The following CP variants were observed in gnomAD, a reference collection of about 807,000 sequenced individuals.
CP encodes caeruloplasmin.
A neutral mutation model predicts 122.4 loss-of-function variants in CP; 64 were observed. The observed-to-expected ratio is 0.52, with a 90% CI of 0.43 to 0.64. The LOEUF is 0.64. CP is among the 30% of genes least tolerant of loss of function. CP has a pLI of 0.00. For synonymous variants in CP, 440 were observed against 436.4 expected, an observed-to-expected ratio of 1.01 and a Z score of -0.10; for missense variants, 1,167 against 1,284.4, an observed-to-expected ratio of 0.91 and a Z score of 1.40.
chr3:149,204,282 G>A (rs1297618404), intron 6 of CP, among the ~76,000 whole-genome samples: 1 of 152,182 alleles, frequency 6.6e-6, no homozygotes, highest in Non-Finnish European at 1.5e-5. Context: ...GAATGTGTTG[G>A]AAAATACAAG....
intron 1 of CP, among the ~76,000 whole-genome samples, chr3:149,218,807 A>C (rs1728625916): frequency 6.6e-6 from 1 of 152,140 alleles, no homozygotes; most frequent in African/African-American, 2.4e-5. Context: ...ATATACTAGT[A>C]CTCTCAATGC....
intron 5 of CP, chr3:149,163,691 A>G (rs1426498744): frequency 2.2e-5 from 13 of 578,370 alleles, no homozygotes; most frequent in Admixed American, 9.2e-5. Context: ...CAGGGGAAAA[A>G]TTCTTAAAAA....
intron 14 of CP, among the ~76,000 whole-genome samples, chr3:149,180,717 A>G (rs1332391806): frequency 6.6e-6 from 1 of 152,210 alleles, no homozygotes; most frequent in Non-Finnish European, 1.5e-5. Flanking sequence ...TCACTAGAAT[A>G]TAAAGTATTG....
At chr3:149,192,562 CAAAA>C (rs1156940690) in intron 9 of CP, among the ~76,000 whole-genome samples, 2 of 146,836 alleles carry the variant, frequency 1.4e-5, no homozygotes, top group African/African-American at 5.0e-5. Context: ...GGCAAACAAA[CAAAA>C]AAGTAAAAAC....
chr3:149,199,216 C>T (rs898733759), intron 8 of CP, among the ~76,000 whole-genome samples: 5 of 151,672 alleles, frequency 3.3e-5, no homozygotes, highest in South Asian at 4.2e-4. Context: ...GAACAAACTC[C>T]GATTATGAAA....
In CP at chr3:149,182,139, A is replaced by G; in HGVS notation, c.2426-6T>C. 6.2e-7 allele frequency: 1 copy of G among 1,614,138 alleles called. No individual in the cohort carries two copies. The highest frequency in any genetic ancestry group is 1.3e-5 in the African/African-American group (1 of 75,058). ...ATCTGCATGAAGTTGTGGACCTGGC[A>G]AAAGTGAAGAGGAAGAGTGTCCAAT... On this transcript the variant is annotated splice_region_variant and splice_polypyrimidine_tract_variant and intron_variant, in intron 13 of 18. Transcript: ENST00000264613.
intron 6 of CP, among the ~76,000 whole-genome samples, chr3:149,202,605 C>CTTTTTTT (rs34873592): frequency 2.8e-5 from 3 of 106,812 alleles, no homozygotes; most frequent in Non-Finnish European, 5.7e-5. Context: ...TGTTGTTTGT[C>CTTTTTTT]TTTTTTTTTT....
intron 10 of CP, among the ~76,000 whole-genome samples, chr3:149,187,413 C>T (rs1397258329): frequency 6.6e-6 from 1 of 152,092 alleles, no homozygotes; most frequent in East Asian, 1.9e-4. Context: ...GAATAATGAA[C>T]TCACTGTCTC....
Position 149,163,951 on chromosome 3 carries a change from T to C in CP, c.*14-1076A>G, listed in dbSNP as rs1411572278. On this transcript the variant is annotated intron_variant, in intron 5 of 5. Transcript: ENST00000479771. Reference sequence around the variant, plus strand: ...ACAGAAGATCTTTCAAAATTACAGGTAAGTAAAAATACCTCCTTTTCTTAT... The same window carrying C: ...ACAGAAGATCTTTCAAAATTACAGGCAAGTAAAAATACCTCCTTTTCTTAT... 3.8e-6 allele frequency: 5 copies of C among 1,314,972 alleles called. No individual in the cohort carries two copies. In the South Asian group the frequency reaches 5.9e-5, roughly 16 times the overall value. 81.5% of individuals were successfully genotyped at this position (1,314,972 alleles called of 1,614,324 possible).
intron 1 of CP, among the ~76,000 whole-genome samples, chr3:149,213,212 T>A (rs35386382): frequency 0.092 from 14,025 of 152,168 alleles, 1,009 homozygotes; most frequent in East Asian, 0.37. Flanking sequence ...AATTCTTTTA[T>A]ATTTCTTTTA....
intron 9 of CP, among the ~76,000 whole-genome samples, chr3:149,191,398 G>A (rs1282277891): frequency 2.0e-5 from 3 of 151,812 alleles, no homozygotes; most frequent in Non-Finnish European, 4.4e-5. Context: ...AAACTTATTT[G>A]TCTTATTTAC....
chr3:149,177,963 C>T lies in CP; in HGVS notation c.2895G>A (p.Met965Ile). The change falls in exon 17 of 19, where the codon ATG becomes ATA. Residue 965 changes from methionine (M) to isoleucine (I), a missense_variant. Physicochemically the swap from Met to Ile is conservative, Grantham distance 10. Transcript: ENST00000264613. ...SNKMHAINGRMFGNLQGLTMH... is the reference protein window; with the variant it reads ...SNKMHAINGRIFGNLQGLTMH... ...TTGTGAGGCCTTGTAGGTTTCCAAA[C>T]ATTCTTCCATTAATAGCTAGGGAAA... 1 of 1,613,568 alleles carries T rather than the reference C, an allele frequency of 6.2e-7. No individual in the cohort carries two copies. The highest frequency in any genetic ancestry group is 8.5e-7 in the Non-Finnish European group (1 of 1,179,510).
intron 6 of CP, among the ~76,000 whole-genome samples, chr3:149,202,605 CTTTTTTT>C (rs34873592): frequency 7.5e-5 from 8 of 106,790 alleles, no homozygotes; most frequent in African/African-American, 2.3e-4. Flanking sequence ...TGTTGTTTGT[CTTTTTTT>C]TTTTTTTTTT....
Position 149,199,878 on chromosome 3 carries a change from G to C in CP, c.1349-14C>G. 1.2e-6 allele frequency: 2 copies of C among 1,613,310 alleles called. No individual in the cohort carries two copies. Among genetic ancestry groups the C allele is most frequent in the African/African-American group, 1.3e-5 (1 of 75,038 alleles). ...AAATGACAGGACCTGGGAACAAAGA[G>C]AGAATTATTATCCTTCCTTGGTATG... On this transcript the variant is annotated splice_polypyrimidine_tract_variant and intron_variant, in intron 7 of 18. Coordinates refer to ENST00000264613, the MANE Select transcript of CP (RefSeq NM_000096.4).
At chr3:149,176,569 GT>G in intron 17 of CP, 157 bp from the exon 18 acceptor site, 2 of 638,368 alleles carry the variant, frequency 3.1e-6, no homozygotes, top group East Asian at 5.6e-5. Context: ...GTAAAATGTG[GT>G]TTTTGTATTC....
chr3:149,209,141 G>T, intron 4 of CP, 70 bp downstream of exon 4: 2 of 1,579,840 alleles, frequency 1.3e-6, no homozygotes, highest in Non-Finnish European at 8.7e-7. Flanking sequence ...TTATGTGAGG[G>T]AATAAGCTTA....
chr3:149,177,006 TG>T (rs758406128), intron 17 of CP, among the ~76,000 whole-genome samples: 160 of 152,336 alleles, frequency 1.1e-3, no homozygotes, highest in Non-Finnish European at 2.0e-3. Context: ...GTATGCTTTT[TG>T]ATAACTTCTG....
At chr3:149,195,639 C>T (rs118123032) in intron 9 of CP, among the ~76,000 whole-genome samples, 3,657 of 152,160 alleles carry the variant, frequency 0.024, 49 homozygotes, top group Middle Eastern at 0.048. Flanking sequence ...CAGAGGCAGG[C>T]GGATCACGAG....
chr3:149,167,044 G>C (rs1724495529), intron 4 of CP: 3 of 1,612,116 alleles, frequency 1.9e-6, no homozygotes, highest in Non-Finnish European at 2.5e-6. Context: ...TCTCTTATAT[G>C]TGGTCCTTCA....
Sources: gnomAD v4.1 joint callset for allele counts (sites outside exome capture counted in the v4.1 genomes callset) on GRCh38, gnomAD v4.1.1 for gene constraint, MANE v1.5 for transcripts, NCBI Gene and HGNC (gene_info 2026-07-23, HGNC 2026-07-21) for gene names.